Variants in KCNN2 observed in about 807,000 individuals in gnomAD.
KCNN2 encodes small conductance calcium-activated potassium channel protein 2.
A neutral mutation model predicts 55.5 loss-of-function variants in KCNN2; 24 were observed. The observed-to-expected ratio is 0.43, with a 90% confidence interval of 0.31 to 0.61. KCNN2 has a LOEUF of 0.61. Among genes scored for constraint, KCNN2 ranks in the 20% least tolerant of loss-of-function variants. KCNN2 has a pLI of 0.08. For synonymous variants in KCNN2, 431 were observed against 336.1 expected, an observed-to-expected ratio of 1.28 and a Z score of -3.09; for missense variants, 754 against 853.6, an observed-to-expected ratio of 0.88 and a Z score of 1.45.
chr5:114,366,361 C>T (rs36947), intron 2 of KCNN2, among the ~76,000 whole-genome samples: 1 of 151,930 alleles, frequency 6.6e-6, no homozygotes, highest in Non-Finnish European at 1.5e-5. Flanking sequence ...GTTAAACCCA[C>T]TATACTTAAG....
intron 1 of KCNN2, among the ~76,000 whole-genome samples, chr5:114,202,601 T>TTTTTC (rs70976320): frequency 8.5e-5 from 12 of 141,078 alleles, no homozygotes; most frequent in African/African-American, 2.2e-4. Flanking sequence ...TTTTTTTTTT[T>TTTTTC]CCCGAGACAG....
upstream of KCNN2, among the ~76,000 whole-genome samples, chr5:114,359,826 T>G (rs1207678637): frequency 1.3e-5 from 2 of 152,238 alleles, no homozygotes; most frequent in East Asian, 3.8e-4. Flanking sequence ...TGATGGATTT[T>G]CCGCATGAGT....
chr5:114,080,361 G>T (rs564929306), intron 1 of KCNN2, among the ~76,000 whole-genome samples: 1 of 152,294 alleles, frequency 6.6e-6, no homozygotes, highest in South Asian at 2.1e-4. Flanking sequence ...TGTTCTGAAA[G>T]AATTTGTTTG....
intron 3 of KCNN2, among the ~76,000 whole-genome samples, chr5:114,418,661 T>G (rs1376026461): frequency 6.6e-6 from 1 of 152,206 alleles, no homozygotes; most frequent in African/African-American, 2.4e-5. Context: ...TTTTTGTGAC[T>G]ATTTTGAGTA....
chr5:114,160,244 C>T (rs1046516846), intron 1 of KCNN2, among the ~76,000 whole-genome samples: 9 of 152,102 alleles, frequency 5.9e-5, no homozygotes, highest in African/African-American at 2.2e-4. Flanking sequence ...TTTATTTCTG[C>T]CTTCATTTCA....
rs1284851123 is a variant in KCNN2, at chr5:114,496,295, A to T, written c.*113A>T. The stretch of plus-strand genomic sequence containing the variant: ...TCAGCGTTATCCGGGTTCTGATGTC[A>T]GAATCCTGGGAACCTGAACACTAAG... On this transcript the variant is annotated 3_prime_UTR_variant, in exon 8 of 8. Coordinates refer to ENST00000673685, the MANE Select transcript of KCNN2 (RefSeq NM_021614.4). 2.0e-5 allele frequency: 24 copies of T among 1,188,076 alleles called. No homozygotes were observed. In the South Asian group the frequency reaches 3.2e-4, roughly 16 times the overall value. The allele number at this position is 1,188,076 out of a possible 1,614,324, so 73.6% of individuals were successfully genotyped here. A position where few individuals can be genotyped will look rare whatever the true frequency, so the allele number is the denominator to read the frequency against.
At chr5:114,443,267 C>T (rs1321376853) in intron 3 of KCNN2, among the ~76,000 whole-genome samples, 4 of 147,098 alleles carry the variant, frequency 2.7e-5, no homozygotes, top group African/African-American at 5.1e-5. Context: ...TCCAGCCTGG[C>T]GACAGAGAGA....
At chr5:114,136,142 C>G (rs1342853614) in intron 1 of KCNN2, among the ~76,000 whole-genome samples, 8 of 152,056 alleles carry the variant, frequency 5.3e-5, no homozygotes, top group Non-Finnish European at 1.2e-4. Flanking sequence ...ATACTAGAGA[C>G]AAATAAAAGG....
At chr5:114,078,598 G>T (rs562573626) in intron 1 of KCNN2, among the ~76,000 whole-genome samples, 1 of 152,254 alleles carries the variant, frequency 6.6e-6, no homozygotes, top group Admixed American at 6.5e-5. Context: ...CTATGGGGGT[G>T]GGATTTCATA....
intron 3 of KCNN2, among the ~76,000 whole-genome samples, chr5:114,410,500 A>G (rs1316768516): frequency 6.6e-6 from 1 of 152,144 alleles, no homozygotes; most frequent in African/African-American, 2.4e-5. Context: ...TTATTTGGCC[A>G]TGCTTTCTGG....
chr5:114,484,373 A>G (rs953208182), intron 5 of KCNN2, among the ~76,000 whole-genome samples: 1 of 152,180 alleles, frequency 6.6e-6, no homozygotes, highest in African/African-American at 2.4e-5. Context: ...TACAATGTAT[A>G]CTATTTGGGT....
Position 114,376,971 on chromosome 5 carries a change from G to C in KCNN2, c.1218+12970G>C, listed in dbSNP as rs537780100. Among the ~76,000 whole-genome samples the C allele has an allele frequency of 1.4e-3, 219 of 152,258 alleles. 1 individual carries two copies. The highest frequency in any genetic ancestry group is 5.0e-3 in the African/African-American group (207 of 41,552). ...TAGCTGGGCGTGGTGGTGCATGCCT[G>C]TAGTCCTAGCTACTTGGGAAGATGG... On this transcript the variant is annotated intron_variant, in intron 2 of 7. Transcript: ENST00000673685.
At chr5:114,184,997 A>G (rs1333577873) in intron 1 of KCNN2, among the ~76,000 whole-genome samples, 1 of 152,220 alleles carries the variant, frequency 6.6e-6, no homozygotes, top group Non-Finnish European at 1.5e-5. Context: ...AATTCTAGCA[A>G]GGCTGTTTTT....
intron 1 of KCNN2, among the ~76,000 whole-genome samples, chr5:114,147,148 T>A (rs754517976): frequency 1.5e-4 from 23 of 152,290 alleles, no homozygotes; most frequent in Non-Finnish European, 2.8e-4. Context: ...GCCTTTTCAT[T>A]ACTGGATCCA....
At chr5:114,339,604 A>C (rs1174143431) in intron 2 of KCNN2, among the ~76,000 whole-genome samples, 1 of 151,896 alleles carries the variant, frequency 6.6e-6, no homozygotes, top group African/African-American at 2.4e-5. Flanking sequence ...CAAGTTCGAG[A>C]CCACCTTGGG....
At chr5:114,100,099 G>T (rs1429995090) in intron 1 of KCNN2, among the ~76,000 whole-genome samples, 4 of 151,958 alleles carry the variant, frequency 2.6e-5, no homozygotes, top group African/African-American at 4.8e-5. Context: ...GATGAAAACA[G>T]TAGAAAGGAA....
intron 1 of KCNN2, among the ~76,000 whole-genome samples, chr5:114,201,033 T>C (rs1261664897): frequency 2.0e-5 from 3 of 151,942 alleles, no homozygotes; most frequent in Non-Finnish European, 2.9e-5. Context: ...GTGGGAGTGG[T>C]GGACCCTGTG....
chr5:114,334,864 G>T (rs1239730069), intron 2 of KCNN2, among the ~76,000 whole-genome samples: 2 of 152,088 alleles, frequency 1.3e-5, no homozygotes, highest in African/African-American at 4.8e-5. Context: ...ATATTTGAAG[G>T]GACAAATGCC....
chr5:114,168,623 A>G (rs572665946), intron 1 of KCNN2, among the ~76,000 whole-genome samples: 1 of 152,030 alleles, frequency 6.6e-6, no homozygotes, highest in Non-Finnish European at 1.5e-5. Flanking sequence ...TATGGTCAGG[A>G]TATTTTACTG....
Sources: allele counts gnomAD v4.1 joint callset (sites outside exome capture counted in the v4.1 genomes callset), GRCh38; gene constraint gnomAD v4.1.1; transcripts MANE v1.5; gene names NCBI Gene and HGNC (gene_info 2026-07-23, HGNC 2026-07-21).